The following PDCD2L variants were observed in gnomAD, a reference collection of about 807,000 sequenced individuals.
PDCD2L encodes the protein uS5 assembly chaperone PDCD2L.
Under a neutral mutation model 40.4 loss-of-function variants are expected in PDCD2L, and 44 were observed. The ratio of observed to expected loss-of-function variants is 1.09; its 90% CI spans 0.86 to 1.40. The LOEUF is 1.40. PDCD2L is among the 40% of genes most tolerant of loss of function. The pLI, the probability that PDCD2L is intolerant of heterozygous loss-of-function variation, is 0.00. For synonymous variants in PDCD2L, 194 were observed against 174.6 expected (o/e 1.11, Z -0.88); for missense variants, 470 against 453.7 (o/e 1.04, Z -0.33).
intron 5 of PDCD2L, among the ~76,000 whole-genome samples, chr19:34,414,380 T>C (rs1381408570): frequency 6.6e-6 from 1 of 151,382 alleles, no homozygotes; most frequent in African/African-American, 2.4e-5. Context: ...TTTCACCATG[T>C]TGGCCAGACT....
At chr19:34,422,494 A>T (rs1481250016) in intron 6 of PDCD2L, among the ~76,000 whole-genome samples, 2 of 152,066 alleles carry the variant, frequency 1.3e-5, no homozygotes, top group East Asian at 3.9e-4. Flanking sequence ...CCTGGCCAGA[A>T]ATTAAAACTA....
chr19:34,424,377 A>G (rs997478392), intron 6 of PDCD2L, among the ~76,000 whole-genome samples: 1 of 152,174 alleles, frequency 6.6e-6, no homozygotes, highest in South Asian at 2.1e-4. Context: ...TGACCGAGGC[A>G]CATAAGACAG....
intron 6 of PDCD2L, among the ~76,000 whole-genome samples, chr19:34,422,706 AT>A (rs879693993): frequency 2.3e-3 from 326 of 143,256 alleles, no homozygotes; most frequent in African/African-American, 2.8e-3. Flanking sequence ...CAGTTACTGG[AT>A]TTTTTTTTTT....
At chr19:34,405,653 C>A (rs1423764251) in intron 3 of PDCD2L, among the ~76,000 whole-genome samples, 1 of 150,806 alleles carries the variant, frequency 6.6e-6, no homozygotes, top group African/African-American at 2.4e-5. Flanking sequence ...GTAATCCCAG[C>A]ACTTTGGGAG....
intron 5 of PDCD2L, among the ~76,000 whole-genome samples, chr19:34,420,011 G>A (rs11673054): frequency 2.0e-5 from 3 of 151,986 alleles, no homozygotes; most frequent in East Asian, 3.9e-4. Context: ...TCGAGACAGA[G>A]TCTTGCTCTA....
intron 5 of PDCD2L, among the ~76,000 whole-genome samples, chr19:34,414,550 A>C (rs2075118919): frequency 8.4e-6 from 1 of 119,112 alleles, no homozygotes; most frequent in Non-Finnish European, 1.6e-5. Context: ...CAGTGGTGTG[A>C]TCAATCATAG....
chr19:34,411,979 T>TATATATATATAC (rs2075105698), intron 4 of PDCD2L, among the ~76,000 whole-genome samples: 1 of 145,952 alleles, frequency 6.9e-6, no homozygotes, highest in Non-Finnish European at 1.5e-5. Context: ...TATATATATA[T>TATATATATATAC]ATATAAAATA....
chr19:34,424,507 A>G (rs2075166943), intron 6 of PDCD2L, among the ~76,000 whole-genome samples: 1 of 152,174 alleles, frequency 6.6e-6, no homozygotes, highest in African/African-American at 2.4e-5. Context: ...GAGAGATTCA[A>G]GTGTCCATTT....
chr19:34,425,987 C>G lies in PDCD2L; in HGVS notation c.947-3C>G. The G allele has an allele frequency of 6.2e-7, 1 of 1,609,436 alleles. No individual in the cohort carries two copies. Among genetic ancestry groups the G allele is most frequent in the Non-Finnish European group, 8.5e-7 (1 of 1,178,462 alleles). ...GGAAGCCTGAATATGTGGTATTTTT[C>G]AGGTCTTTCTGTGGAATTTGGAACA... is the stretch of plus-strand genomic sequence containing the variant. On this transcript the variant is annotated splice_region_variant and splice_polypyrimidine_tract_variant and intron_variant, in intron 6 of 6. Transcript: ENST00000246535.
intron 5 of PDCD2L, among the ~76,000 whole-genome samples, chr19:34,414,567 G>A (rs991258980): frequency 1.5e-5 from 2 of 131,808 alleles, no homozygotes; most frequent in Non-Finnish European, 3.1e-5. Flanking sequence ...ATAGCTCAGT[G>A]CACCTTGACC....
intron 5 of PDCD2L, among the ~76,000 whole-genome samples, chr19:34,421,149 A>G (rs1372123979): frequency 6.6e-6 from 1 of 152,156 alleles, no homozygotes; most frequent in Admixed American, 6.6e-5. Flanking sequence ...GCTACCAACC[A>G]GTACTGGTCC....
chr19:34,406,764 C>T (rs1475460371), intron 3 of PDCD2L, among the ~76,000 whole-genome samples: 3 of 150,696 alleles, frequency 2.0e-5, no homozygotes, highest in Non-Finnish European at 4.4e-5. Context: ...TCCTGAATAA[C>T]TGAGGTTTTG....
intron 6 of PDCD2L, among the ~76,000 whole-genome samples, chr19:34,422,998 G>C (rs552143724): frequency 6.6e-6 from 1 of 152,020 alleles, no homozygotes; most frequent in Non-Finnish European, 1.5e-5. Context: ...GATTACAGGC[G>C]TGAGCTGCCA....
chr19:34,425,888 T>C, intron 6 of PDCD2L, 102 bp from the exon 7 acceptor site: 1 of 1,218,236 alleles, frequency 8.2e-7, no homozygotes, highest in South Asian at 1.6e-5. Flanking sequence ...GTTTTTGCTT[T>C]ACCTAATTAC....
In PDCD2L at chr19:34,404,543, G is replaced by A; in HGVS notation, c.108+5G>A. Reference sequence around the variant, plus strand: ...AGCAAGCTGGGCGGCATTCCGGTGAGGGCGGGTGCCGGAGCTGGGGTCGAT... The same window carrying A: ...AGCAAGCTGGGCGGCATTCCGGTGAAGGCGGGTGCCGGAGCTGGGGTCGAT... On this transcript the variant is annotated splice_donor_5th_base_variant and intron_variant, in intron 1 of 6. Coordinates refer to ENST00000246535, the MANE Select transcript of PDCD2L (RefSeq NM_032346.2). The A allele has an allele frequency of 6.5e-7, 1 of 1,549,418 alleles. No homozygotes were observed. Among genetic ancestry groups the A allele is most frequent in the East Asian group, 2.4e-5 (1 of 41,410 alleles).
intron 4 of PDCD2L, 87 bp downstream of exon 4, chr19:34,409,597 G>C (rs2075093274): frequency 8.0e-7 from 1 of 1,253,036 alleles, no homozygotes; most frequent in African/African-American, 1.5e-5. Context: ...ACAGGACCTG[G>C]GGAAACTTTC....
At position 34,404,721 on chromosome 19, in the gene PDCD2L, C is replaced by T. The variant is rs764767198; in HGVS notation, c.181C>T (p.Gln61Ter). The T allele has an allele frequency of 3.1e-6, 5 of 1,612,382 alleles. No homozygotes were observed. In the South Asian group the frequency reaches 5.5e-5, roughly 18 times the overall value. The change falls in exon 2 of 7, where the codon CAG (glutamine) becomes TAG (stop). Residue 61 changes from glutamine (Q) to a stop codon, truncating the protein, a stop_gained. Transcript: ENST00000246535. LOFTEE classifies it high-confidence loss of function. ...CGGGCAGCCGCTCGCTCTGGTCGTG[C>T]AGGTGTATTGCCCGCTGGAAGGCTC... Reference protein sequence around the residue: ...RCGQPLALVVQVYCPLEGSPF... With the variant: ...RCGQPLALVV
chr19:34,425,967 C>G, intron 6 of PDCD2L, 23 bp from the exon 7 acceptor site: 1 of 1,601,482 alleles, frequency 6.2e-7, no homozygotes, highest in Non-Finnish European at 8.5e-7. Flanking sequence ...TTGCTGGAAG[C>G]CTGAATATGT....
chr19:34,424,923 G>C (rs974253721), intron 6 of PDCD2L, among the ~76,000 whole-genome samples: 10 of 151,452 alleles, frequency 6.6e-5, no homozygotes, highest in African/African-American at 2.4e-4. Context: ...TTTTTGTATT[G>C]TTAGTAGAGA....
Sources: allele counts gnomAD v4.1 joint callset (sites outside exome capture counted in the v4.1 genomes callset), GRCh38; gene constraint gnomAD v4.1.1; transcripts MANE v1.5; gene names NCBI Gene and HGNC (gene_info 2026-07-23, HGNC 2026-07-21).